Variants in TEX54 observed in about 807,000 individuals in gnomAD.
TEX54 encodes the protein testis expressed 54.
For synonymous variants in TEX54, 17 were observed against 7.0 expected (o/e 2.42, Z -2.24); for missense variants, 58 against 19.6 (o/e 2.96, Z -3.70).
At chr11:62,832,805 G>T, upstream of TEX54, 2 of 1,030,460 alleles carry the variant, frequency 1.9e-6, no homozygotes, top group Non-Finnish European at 2.7e-6. Flanking sequence ...CTGCCTCCAG[G>T]CCCGGCTTTT....
chr11:62,832,754 C>G (rs1189828952), exon 1 of TEX54: 2 of 600,358 alleles, frequency 3.3e-6, no homozygotes, highest in African/African-American at 3.8e-5. Context: ...AGCCCATGGC[C>G]CCGCGTGGCC....
upstream of TEX54, chr11:62,832,822 T>C (rs1165669038): frequency 6.0e-6 from 7 of 1,162,486 alleles, no homozygotes; most frequent in Non-Finnish European, 8.1e-6. Flanking sequence ...TTTTGTGACA[T>C]CAGATATCCC....
chr11:62,832,483 A>C, exon 1 of TEX54: 1 of 444,846 alleles, frequency 2.2e-6, no homozygotes, highest in Non-Finnish European at 4.0e-6. Context: ...CGACGACCGA[A>C]CGTGGATAGT....
At chr11:62,832,802 C>T (rs1590982364) in exon 1 of TEX54, 2 of 1,014,018 alleles carry the variant, frequency 2.0e-6, no homozygotes. Context: ...TGCCTGCCTC[C>T]AGGCCCGGCT....
rs1004143992 is a variant in TEX54 at position 62,832,339 on chromosome 11, C to T, written c.*37G>A. 7.5e-5 allele frequency: 43 copies of T among 571,576 alleles called. No individual in the cohort carries two copies. In the East Asian group the frequency reaches 1.3e-3, roughly 17 times the overall value. The allele number at this position is 571,576 out of a possible 1,614,324, so 35.4% of individuals were successfully genotyped here. A position where few individuals can be genotyped will look rare whatever the true frequency, so the allele number is the denominator to read the frequency against. ...GCAGGTATACGTTAGAAATTTTATT[C>T]TCTGGAGGTTGGGGCGGACTGAGAG... On this transcript the variant is annotated 3_prime_UTR_variant, in exon 1 of 1. Coordinates refer to ENST00000636508, the Ensembl canonical transcript of TEX54.
chr11:62,832,583 G>A (rs1238024173), exon 1 of TEX54: 3 of 436,112 alleles, frequency 6.9e-6, no homozygotes, highest in Admixed American at 7.9e-5. Flanking sequence ...CGGCGCCTGA[G>A]GGGACGACGA....
chr11:62,832,809 G>A, upstream of TEX54: 2 of 1,077,400 alleles, frequency 1.9e-6, no homozygotes, highest in Non-Finnish European at 2.6e-6. Context: ...CTCCAGGCCC[G>A]GCTTTTGTGA....
the TEX54 span, chr11:62,832,723 C>CAA: frequency 1.8e-6 from 1 of 557,964 alleles, no homozygotes; most frequent in African/African-American, 1.9e-5. Flanking sequence ...TCAGACATCT[C>CAA]AAAGTCCTTG....
chr11:62,832,535 G>A, exon 1 of TEX54: 1 of 433,998 alleles, frequency 2.3e-6, no homozygotes, highest in Non-Finnish European at 4.1e-6. Context: ...CGTTCGACTT[G>A]TGATTCGGAT....
At chr11:62,832,612 T>C (rs1051037068) in exon 1 of TEX54, 11 of 447,060 alleles carry the variant, frequency 2.5e-5, no homozygotes, top group Non-Finnish European at 3.9e-5. Flanking sequence ...AGCTCACCCC[T>C]ACCCTCGGGA....
exon 1 of TEX54, chr11:62,832,514 CAGA>C (rs2084885825): frequency 2.3e-6 from 1 of 437,010 alleles, no homozygotes; most frequent in Non-Finnish European, 4.0e-6. Context: ...GCACGGTAAT[CAGA>C]AGGCTTTCGT....
exon 1 of TEX54, chr11:62,832,389 G>A (rs1464402128): frequency 4.2e-6 from 2 of 472,474 alleles, no homozygotes; most frequent in Non-Finnish European, 7.5e-6. Flanking sequence ...TCCCTTCTCC[G>A]GCTCCTCCTG....
upstream of TEX54, chr11:62,832,837 C>T: frequency 3.9e-6 from 5 of 1,266,196 alleles, no homozygotes; most frequent in Non-Finnish European, 5.3e-6. Context: ...TATCCCGTCG[C>T]CCCAGCTCAG....
exon 1 of TEX54, chr11:62,832,793 G>C (rs1253287138): frequency 4.4e-6 from 4 of 907,238 alleles, no homozygotes; most frequent in Non-Finnish European, 4.8e-6. Context: ...ACGCCAGCCT[G>C]CCTGCCTCCA....
the TEX54 span, chr11:62,832,624 GC>G: frequency 2.7e-5 from 12 of 446,688 alleles, no homozygotes; most frequent in Non-Finnish European, 4.7e-5. Context: ...CCCTCGGGAA[GC>G]CCCCTCTCAC....
chr11:62,832,405 C>T (rs2084884307), exon 1 of TEX54: 2 of 476,732 alleles, frequency 4.2e-6, no homozygotes, highest in African/African-American at 4.0e-5. Flanking sequence ...TCCTGGTTGC[C>T]TTCTCGGATC....
At chr11:62,832,694 T>C (rs559203109) in exon 1 of TEX54, 2 of 498,126 alleles carry the variant, frequency 4.0e-6, no homozygotes, top group South Asian at 6.9e-5. Context: ...CCTCAGACTC[T>C]TCCTCCTTGG....
chr11:62,832,687 C>G lies in TEX54; in HGVS notation c.64G>C (p.Glu22Gln), dbSNP rs2084888426. Residue 22 changes from glutamate to glutamine, a missense_variant, in exon 1 of 1, where the codon GAG (glutamate) becomes CAG (glutamine). By Grantham distance (29) the Glu-to-Gln change is conservative. Transcript: ENST00000636508. ...GTGGTCTCATCTTCCCTGCCGTCCT[C>G]AGACTCTTCCTCCTTGGACTGCTCA... The G allele has an allele frequency of 1.0e-5, 5 of 493,530 alleles. No individual in the cohort carries two copies. The East Asian group carries it at 1.7e-4, about 16-fold the overall frequency. The allele number at this position is 493,530 out of a possible 1,614,324, so 30.6% of individuals were successfully genotyped here.
chr11:62,832,682 G>A (rs1031406648), exon 1 of TEX54: 33 of 485,476 alleles, frequency 6.8e-5, no homozygotes, highest in African/African-American at 5.8e-4. Flanking sequence ...CTTCCCTGCC[G>A]TCCTCAGACT....
Sources: allele counts gnomAD v4.1 joint callset, GRCh38; gene constraint gnomAD v4.1.1; transcripts MANE v1.5; gene names NCBI Gene and HGNC (gene_info 2026-07-23, HGNC 2026-07-21).